SGCD: variants seen among roughly 807,000 people sequenced by gnomAD.
The protein encoded by SGCD is delta-sarcoglycan.
A neutral mutation model predicts 36.6 loss-of-function variants in SGCD; 18 were observed. The ratio of observed to expected loss-of-function variants is 0.49; its 90% CI spans 0.34 to 0.73. The LOEUF is 0.73. SGCD is among the 30% of genes least tolerant of loss of function. The pLI, the probability that SGCD is intolerant of heterozygous loss-of-function variation, is 0.01. For missense variants in SGCD, 387 were observed against 346.7 expected (o/e 1.12, Z -0.92); for synonymous variants, 133 against 130.6 (o/e 1.02, Z -0.12).
At chr5:156,110,615 C>G (rs1761760328) in intron 1 of SGCD, among the ~76,000 whole-genome samples, 1 of 151,798 alleles carries the variant, frequency 6.6e-6, no homozygotes, top group South Asian at 2.1e-4. Flanking sequence ...TTTTTATTCC[C>G]TATTTCCTCT....
At chr5:155,892,176 G>A (rs537471600) in intron 1 of SGCD, among the ~76,000 whole-genome samples, 10 of 152,146 alleles carry the variant, frequency 6.6e-5, no homozygotes, top group East Asian at 1.9e-4. Flanking sequence ...AGAATGAAGC[G>A]GCCAGGCACA....
At chr5:155,826,587 G>A in the SGCD span, among the ~76,000 whole-genome samples, 1 of 152,144 alleles carries the variant, frequency 6.6e-6, no homozygotes, top group Non-Finnish European at 1.5e-5. Context: ...TGAATGACTA[G>A]AGCCTTCTTG....
At chr5:155,913,488 T>C (rs1049945208) in intron 1 of SGCD, among the ~76,000 whole-genome samples, 2 of 152,174 alleles carry the variant, frequency 1.3e-5, no homozygotes, top group Admixed American at 1.3e-4. Context: ...CCACTTAACA[T>C]CAACCTCTTC....
chr5:156,117,564 C>T (rs1581108615), intron 1 of SGCD, among the ~76,000 whole-genome samples: 1 of 152,136 alleles, frequency 6.6e-6, no homozygotes, highest in Non-Finnish European at 1.5e-5. Flanking sequence ...TGAATATTGG[C>T]AGCAAACAAC....
the SGCD span, among the ~76,000 whole-genome samples, chr5:155,847,220 A>G: frequency 6.6e-6 from 1 of 152,138 alleles, no homozygotes; most frequent in South Asian, 2.1e-4. Context: ...CAGCTCTATG[A>G]ATTTTGGGTA....
the SGCD span, among the ~76,000 whole-genome samples, chr5:155,843,962 G>A: frequency 6.6e-6 from 1 of 152,300 alleles, no homozygotes; most frequent in Non-Finnish European, 1.5e-5. Context: ...ATGGGTTTCT[G>A]TTATATCCAA....
At chr5:156,201,421 T>C (rs150233741) in intron 3 of SGCD, among the ~76,000 whole-genome samples, 181 of 152,294 alleles carry the variant, frequency 1.2e-3, no homozygotes, top group Non-Finnish European at 1.6e-3. Context: ...GCTGACATCT[T>C]TCTTCACTCC....
At chr5:156,318,983 A>G (rs1342040446) in intron 3 of SGCD, among the ~76,000 whole-genome samples, 2 of 152,156 alleles carry the variant, frequency 1.3e-5, no homozygotes, top group Non-Finnish European at 2.9e-5. Flanking sequence ...CAAGTAGCCA[A>G]TCTGTCTCTT....
At chr5:156,266,915 C>T (rs1020836314) in intron 3 of SGCD, among the ~76,000 whole-genome samples, 5 of 152,050 alleles carry the variant, frequency 3.3e-5, no homozygotes, top group South Asian at 2.1e-4. Flanking sequence ...GTTGGGTCTC[C>T]GGACGCTTTG....
At chr5:156,741,022 G>A (rs986828549) in intron 7 of SGCD, among the ~76,000 whole-genome samples, 2 of 152,130 alleles carry the variant, frequency 1.3e-5, no homozygotes, top group African/African-American at 4.8e-5. Context: ...AGGTGTTGGT[G>A]TGAAACTGCT....
intron 3 of SGCD, among the ~76,000 whole-genome samples, chr5:156,431,755 A>T (rs962966770): frequency 6.6e-6 from 1 of 151,918 alleles, no homozygotes; most frequent in Non-Finnish European, 1.5e-5. Context: ...TGCTCTTGTC[A>T]CCCAGGCTGG....
In SGCD at chr5:156,273,322, A is replaced by G. The variant is rs535488417; in HGVS notation, c.-43-56212A>G. Among the ~76,000 whole-genome samples, 11 of 152,340 alleles carry G rather than the reference A, an allele frequency of 7.2e-5. No individual in the cohort carries two copies. The East Asian group carries it at 2.1e-3, about 29-fold the overall frequency. On this transcript the variant is annotated intron_variant, in intron 3 of 9. Coordinates refer to the SGCD transcript ENST00000517913. Reference sequence around the variant, plus strand: ...ATGTCTTTTTTCATATAAAGAAGAAAGAACAAAAACTGCAATAGGCTGAGT... The same window carrying G: ...ATGTCTTTTTTCATATAAAGAAGAAGGAACAAAAACTGCAATAGGCTGAGT...
At chr5:155,865,497 T>C (rs1347092682), upstream of SGCD, among the ~76,000 whole-genome samples, 1 of 152,180 alleles carries the variant, frequency 6.6e-6, no homozygotes, top group African/African-American at 2.4e-5. Flanking sequence ...TGTTGTCTTT[T>C]GATATTAAGT....
At chr5:156,057,098 T>C (rs1172856182) in intron 1 of SGCD, among the ~76,000 whole-genome samples, 2 of 146,640 alleles carry the variant, frequency 1.4e-5, no homozygotes, top group African/African-American at 2.5e-5. Context: ...GACTATCTCT[T>C]AGCTGTCAAA....
intron 4 of SGCD, among the ~76,000 whole-genome samples, chr5:156,518,967 C>A (rs115513053): frequency 1.9e-3 from 282 of 151,728 alleles, no homozygotes; most frequent in African/African-American, 6.6e-3. Flanking sequence ...GCAAACAAAC[C>A]CCTAAGCTAG....
intron 3 of SGCD, among the ~76,000 whole-genome samples, chr5:156,189,907 A>G (rs954200940): frequency 6.6e-6 from 1 of 152,140 alleles, no homozygotes; most frequent in Admixed American, 6.5e-5. Flanking sequence ...ATTAGAGGAC[A>G]CCATGTTCTC....
At chr5:156,280,393 C>T (rs566244209) in intron 3 of SGCD, among the ~76,000 whole-genome samples, 1 of 152,142 alleles carries the variant, frequency 6.6e-6, no homozygotes, top group Non-Finnish European at 1.5e-5. Context: ...AAAACATTCA[C>T]CTACAGGGTC....
At chr5:156,388,946 A>T (rs760490509) in intron 3 of SGCD, among the ~76,000 whole-genome samples, 5 of 152,240 alleles carry the variant, frequency 3.3e-5, no homozygotes, top group Non-Finnish European at 1.5e-5. Context: ...CATTACATGT[A>T]CATACTGGAA....
At chr5:156,013,270 C>T (rs772096198) in intron 1 of SGCD, among the ~76,000 whole-genome samples, 1 of 151,814 alleles carries the variant, frequency 6.6e-6, no homozygotes, top group Non-Finnish European at 1.5e-5. Context: ...AGTGATCTGC[C>T]GACCTCAGCC....
Sources: allele counts gnomAD v4.1 joint callset (sites outside exome capture counted in the v4.1 genomes callset), GRCh38; gene constraint gnomAD v4.1.1; transcripts MANE v1.5; gene names NCBI Gene and HGNC (gene_info 2026-07-23, HGNC 2026-07-21).